The following COL23A1 variants were observed in gnomAD, a reference collection of about 807,000 sequenced individuals.
The protein encoded by COL23A1 is collagen alpha-1(XXIII) chain.
A neutral mutation model predicts 99.3 loss-of-function variants in COL23A1; 97 were observed. That is an observed-to-expected ratio of 0.98 (90% CI 0.83 to 1.16). The LOEUF (loss-of-function observed/expected upper bound fraction) is 1.16. Among genes scored for constraint, COL23A1 ranks in the 50% most tolerant of loss-of-function variants. The pLI, the probability that COL23A1 is intolerant of heterozygous loss-of-function variation, is 0.00. For missense variants in COL23A1, 762 were observed against 757.4 expected (o/e 1.01, Z -0.07); for synonymous variants, 320 against 308.2 (o/e 1.04, Z -0.40).
intron 2 of COL23A1, among the ~76,000 whole-genome samples, chr5:178,328,656 C>A (rs1332495811): frequency 6.6e-6 from 1 of 152,198 alleles, no homozygotes; most frequent in Non-Finnish European, 1.5e-5. Context: ...CAAGCCTCTA[C>A]TGAAGTCTTT....
In COL23A1 at chr5:178,313,655, A is replaced by G. The variant is rs1356165676; in HGVS notation, c.362-6736T>C. Among the ~76,000 whole-genome samples the G allele has an allele frequency of 2.0e-5, 3 of 152,100 alleles. No individual in the cohort carries two copies. The South Asian group carries it at 6.2e-4, about 32-fold the overall frequency. ...GTGTGACCATGGCCAAGATTTTCTCATCCCACCACGTGTCGAGTGTCCCTT... is the reference window on the plus strand; with the variant it reads ...GTGTGACCATGGCCAAGATTTTCTCGTCCCACCACGTGTCGAGTGTCCCTT... On this transcript the variant is annotated intron_variant, in intron 2 of 28. Coordinates refer to ENST00000390654, the MANE Select transcript of COL23A1 (RefSeq NM_173465.4). The surrounding 1 kb of genome is among the most constrained non-coding windows in gnomAD (Gnocchi z 4.2).
At chr5:178,473,406 T>C (rs1261611160) in intron 2 of COL23A1, among the ~76,000 whole-genome samples, 1 of 150,108 alleles carries the variant, frequency 6.7e-6, no homozygotes, top group Non-Finnish European at 1.5e-5. Context: ...ATGACCCTCC[T>C]ACCTCAGCCT....
chr5:178,536,223 G>T (rs1263522352), intron 2 of COL23A1, among the ~76,000 whole-genome samples: 1 of 152,262 alleles, frequency 6.6e-6, no homozygotes, highest in Non-Finnish European at 1.5e-5. Context: ...CCGCAGGGGT[G>T]CTCGGGGAGT....
Position 178,288,258 on chromosome 5 carries a change from C to A in COL23A1, c.441+66G>T, listed in dbSNP as rs1409763342. On this transcript the variant is annotated intron_variant, in intron 5 of 28. Coordinates refer to ENST00000390654, the MANE Select transcript of COL23A1 (RefSeq NM_173465.4). Reference sequence around the variant, plus strand: ...GAGCGCAGACAGAGTTAAATCAAGGCTCAGGGAAAGAATATTGGTTTAAGA... The same window carrying A: ...GAGCGCAGACAGAGTTAAATCAAGGATCAGGGAAAGAATATTGGTTTAAGA... 1.2e-5 allele frequency: 16 copies of A among 1,325,412 alleles called. No homozygotes were observed. In the South Asian group the frequency reaches 1.6e-4, roughly 13 times the overall value. The allele number at this position is 1,325,412 out of a possible 1,614,324, so 82.1% of individuals were successfully genotyped here. A position where few individuals can be genotyped will look rare whatever the true frequency, so the allele number is the denominator to read the frequency against.
chr5:178,459,813 C>T (rs1016787958), intron 2 of COL23A1, among the ~76,000 whole-genome samples: 5 of 151,706 alleles, frequency 3.3e-5, no homozygotes, highest in African/African-American at 7.3e-5. Context: ...GATTTTTTTC[C>T]CTAAACAATT....
At chr5:178,325,471 C>T (rs905055144) in intron 2 of COL23A1, among the ~76,000 whole-genome samples, 2 of 148,562 alleles carry the variant, frequency 1.3e-5, no homozygotes, top group African/African-American at 5.1e-5. Context: ...CTCAAGTCTC[C>T]AACATCCTTT....
intron 2 of COL23A1, among the ~76,000 whole-genome samples, chr5:178,545,956 T>G (rs916610136): frequency 6.6e-6 from 1 of 152,222 alleles, no homozygotes; most frequent in African/African-American, 2.4e-5. Context: ...TGGAGAGTTT[T>G]AAGAATTAGG....
intron 2 of COL23A1, among the ~76,000 whole-genome samples, chr5:178,432,298 G>A (rs755574520): frequency 1.3e-5 from 2 of 152,140 alleles, no homozygotes; most frequent in African/African-American, 2.4e-5. Flanking sequence ...TAATGCAGAC[G>A]GCTCGTTACA....
intron 2 of COL23A1, among the ~76,000 whole-genome samples, chr5:178,354,752 C>T (rs1761530209): frequency 6.6e-6 from 1 of 152,146 alleles, no homozygotes; most frequent in Non-Finnish European, 1.5e-5. Flanking sequence ...AAAACGCGAG[C>T]CAATTAAACC....
At chr5:178,480,782 G>A (rs1437317329) in intron 2 of COL23A1, among the ~76,000 whole-genome samples, 3 of 152,170 alleles carry the variant, frequency 2.0e-5, no homozygotes, top group African/African-American at 7.2e-5. Context: ...GCTTTTCACA[G>A]GTTGGACTGT....
At position 178,431,000 on chromosome 5, in the gene COL23A1, A is replaced by T. The variant is rs184161743; in HGVS notation, c.362-124081T>A. Among the ~76,000 whole-genome samples the T allele has an allele frequency of 2.9e-3, 447 of 152,266 alleles. 6 individuals carry two copies. The highest frequency in any genetic ancestry group is 0.01 in the African/African-American group (426 of 41,560). On this transcript the variant is annotated intron_variant, in intron 2 of 28. Coordinates refer to ENST00000390654, the MANE Select transcript of COL23A1 (RefSeq NM_173465.4). ...GGGAGATGGTGGAGGAAGAGATGCC[A>T]GAGGGAGACGGGCTAGGAAGGAGGA...
chr5:178,505,591 T>C (rs1327387571), intron 2 of COL23A1, among the ~76,000 whole-genome samples: 1 of 152,154 alleles, frequency 6.6e-6, no homozygotes, highest in Non-Finnish European at 1.5e-5. Context: ...TATATTGGAT[T>C]AGGGCACGTG....
chr5:178,412,906 G>C (rs1378958460), intron 2 of COL23A1, among the ~76,000 whole-genome samples: 3 of 151,980 alleles, frequency 2.0e-5, no homozygotes, highest in Non-Finnish European at 2.9e-5. Context: ...ACATCATCTG[G>C]AAATGTTGTT....
intron 2 of COL23A1, among the ~76,000 whole-genome samples, chr5:178,379,451 A>G (rs951667807): frequency 6.6e-6 from 1 of 152,204 alleles, no homozygotes; most frequent in African/African-American, 2.4e-5. Flanking sequence ...CTCTGGGCAG[A>G]GGGGTCTTGC....
At chr5:178,445,069 C>CA (rs1216390233) in intron 2 of COL23A1, among the ~76,000 whole-genome samples, 1 of 152,136 alleles carries the variant, frequency 6.6e-6, no homozygotes, top group Non-Finnish European at 1.5e-5. Context: ...AAAACATTAG[C>CA]AAATTTGATT....
At chr5:178,378,668 G>A (rs1294321259) in intron 2 of COL23A1, among the ~76,000 whole-genome samples, 2 of 152,230 alleles carry the variant, frequency 1.3e-5, no homozygotes, top group African/African-American at 2.4e-5. Context: ...CAGTTTGCAG[G>A]ATACGCAGGG....
intron 5 of COL23A1, among the ~76,000 whole-genome samples, chr5:178,272,768 T>A (rs1358924173): frequency 6.7e-6 from 1 of 149,510 alleles, no homozygotes; most frequent in Non-Finnish European, 1.5e-5. Flanking sequence ...ACCCAAGCCC[T>A]GCTGGGTGTC....
intron 2 of COL23A1, among the ~76,000 whole-genome samples, chr5:178,347,901 A>C (rs1226744760): frequency 2.2e-5 from 3 of 138,786 alleles, no homozygotes; most frequent in Middle Eastern, 3.7e-3. Context: ...AAAAAAACCC[A>C]AAAAAACAAA....
chr5:178,359,699 G>A (rs1762075010), intron 2 of COL23A1, among the ~76,000 whole-genome samples: 1 of 152,226 alleles, frequency 6.6e-6, no homozygotes, highest in African/African-American at 2.4e-5. Context: ...TCCAGCAAAT[G>A]TTCACTTAGT....
Sources: gnomAD v4.1 joint callset for allele counts (sites outside exome capture counted in the v4.1 genomes callset) on GRCh38, gnomAD v4.1.1 for gene constraint, Gnocchi (gnomAD v3.1) non-coding constraint, MANE v1.5 for transcripts, NCBI Gene and HGNC (gene_info 2026-07-23, HGNC 2026-07-21) for gene names.